The following DPP6 variants were observed in gnomAD, a reference collection of about 807,000 sequenced individuals.
DPP6 encodes the protein A-type potassium channel modulatory protein DPP6.
A neutral mutation model predicts 122.6 loss-of-function variants in DPP6; 69 were observed. That is an observed-to-expected ratio of 0.56 (90% CI 0.46 to 0.69). The LOEUF is 0.69. DPP6 is among the 30% of genes least tolerant of loss of function. The pLI, the probability that DPP6 is intolerant of heterozygous loss-of-function variation, is 0.00. For missense variants in DPP6, 928 were observed against 1,116.9 expected, an observed-to-expected ratio of 0.83 and a Z score of 2.41; for synonymous variants, 418 against 433.1, an observed-to-expected ratio of 0.97 and a Z score of 0.43.
chr7:154,779,432 A>G (rs1214728505), intron 10 of DPP6, among the ~76,000 whole-genome samples: 2 of 152,054 alleles, frequency 1.3e-5, no homozygotes, highest in African/African-American at 2.4e-5. Context: ...CCCTATCATA[A>G]ACAAGCTCTC....
At chr7:153,792,005 G>T in the DPP6 span, among the ~76,000 whole-genome samples, 3 of 152,234 alleles carry the variant, frequency 2.0e-5, no homozygotes, top group African/African-American at 7.2e-5. Flanking sequence ...TGTTCAAGGA[G>T]TCTTTCCCCA....
intron 1 of DPP6, among the ~76,000 whole-genome samples, chr7:154,112,636 C>T (rs1165205052): frequency 3.3e-5 from 5 of 150,742 alleles, no homozygotes. Context: ...CAGAGTGAGA[C>T]TCCATCTCAA....
intron 7 of DPP6, among the ~76,000 whole-genome samples, chr7:154,672,681 A>G (rs1464594036): frequency 6.6e-6 from 1 of 152,196 alleles, no homozygotes; most frequent in Admixed American, 6.5e-5. Context: ...GAGTTTTTAA[A>G]TCCATTTGAC....
intron 1 of DPP6, among the ~76,000 whole-genome samples, chr7:154,313,685 G>GTGTGTGTGTGTGTGTATATA: frequency 3.4e-4 from 7 of 20,474 alleles, no homozygotes; most frequent in African/African-American, 8.9e-4. Flanking sequence ...TTAAGATATG[G>GTGTGTGTGTGTGTGTATATA]TATATATATA....
rs755229940 is a variant in DPP6 at position 154,481,480 on chromosome 7, C to A, written c.457+6443C>A. Reference sequence around the variant, plus strand: ...CAGCACTACATCATCCTCCCCCAACCTCTTCACAGACCCCCCGCTGCCCAC... The same window carrying A: ...CAGCACTACATCATCCTCCCCCAACATCTTCACAGACCCCCCGCTGCCCAC... On this transcript the variant is annotated intron_variant, in intron 3 of 25. Coordinates refer to ENST00000377770, the MANE Select transcript of DPP6 (RefSeq NM_130797.4). This position sits in a 1 kb window ranked among gnomAD's most constrained non-coding sequence, Gnocchi z 4.2. Among the ~76,000 whole-genome samples the A allele has an allele frequency of 2.0e-5, 3 of 151,728 alleles. No homozygotes were observed. The highest frequency in any genetic ancestry group is 2.9e-5 in the Non-Finnish European group (2 of 67,926).
chr7:154,518,943 G>C (rs1382678092), intron 3 of DPP6, among the ~76,000 whole-genome samples: 1 of 152,098 alleles, frequency 6.6e-6, no homozygotes, highest in Non-Finnish European at 1.5e-5. Flanking sequence ...TAGGACTCCA[G>C]GTTAGGGAAC....
chr7:154,461,940 A>C (rs1455801652), intron 2 of DPP6, among the ~76,000 whole-genome samples: 6 of 152,138 alleles, frequency 3.9e-5, no homozygotes, highest in African/African-American at 1.4e-4. Flanking sequence ...TTTACCTAGT[A>C]CAGTGTCCTG....
intron 3 of DPP6, among the ~76,000 whole-genome samples, chr7:154,532,628 A>T (rs192468937): frequency 5.1e-4 from 77 of 152,260 alleles, no homozygotes; most frequent in African/African-American, 1.6e-3. Flanking sequence ...CAATTCAGGA[A>T]ATAAAGTAGG....
At chr7:153,843,203 C>A in the DPP6 span, among the ~76,000 whole-genome samples, 1 of 151,692 alleles carries the variant, frequency 6.6e-6, no homozygotes, top group East Asian at 1.9e-4. Context: ...CATACACACA[C>A]GTGCACACAC....
chr7:154,604,201 T>C (rs1833512227), intron 5 of DPP6, among the ~76,000 whole-genome samples: 1 of 120,562 alleles, frequency 8.3e-6, no homozygotes. Flanking sequence ...ATCATGAATG[T>C]TGCATCATTT....
chr7:154,061,903 T>A (rs1485494326), intron 1 of DPP6, among the ~76,000 whole-genome samples: 16 of 118,114 alleles, frequency 1.4e-4, no homozygotes, highest in South Asian at 3.4e-4. Flanking sequence ...GCAATCCCTC[T>A]TCCCCCCCTG....
At chr7:153,779,079 A>G in the DPP6 span, among the ~76,000 whole-genome samples, 1 of 147,616 alleles carries the variant, frequency 6.8e-6, no homozygotes, top group Non-Finnish European at 1.5e-5. Flanking sequence ...AGCCACAATC[A>G]AAAAGCTATG....
chr7:154,185,803 A>T (rs1010336114), intron 1 of DPP6, among the ~76,000 whole-genome samples: 2 of 152,206 alleles, frequency 1.3e-5, no homozygotes, highest in Non-Finnish European at 2.9e-5. Context: ...GCTTTTAAAG[A>T]TGAGATAATA....
chr7:154,607,072 G>A lies in DPP6; in HGVS notation c.628-30749G>A, dbSNP rs564752418. On this transcript the variant is annotated intron_variant, in intron 5 of 25. Coordinates refer to ENST00000377770, the MANE Select transcript of DPP6 (RefSeq NM_130797.4). Reference sequence around the variant, plus strand: ...CAAGTAGCTGCATGAAATGCCACGCGATGCCAATCATCTCCACATGAGCAG... The same window carrying A: ...CAAGTAGCTGCATGAAATGCCACGCAATGCCAATCATCTCCACATGAGCAG... Among the ~76,000 whole-genome samples the A allele has an allele frequency of 7.4e-5, 9 of 121,170 alleles. 3 individuals carry two copies. Among genetic ancestry groups the A allele is most frequent in the African/African-American group, 1.8e-4 (7 of 38,046 alleles). The allele number at this position is 121,170 out of a possible 152,430, so 79.5% of individuals were successfully genotyped here.
chr7:154,278,142 GGA>G (rs1804260136), intron 1 of DPP6, among the ~76,000 whole-genome samples: 1 of 152,158 alleles, frequency 6.6e-6, no homozygotes. Context: ...GACCTGGGAG[GGA>G]GAGACAGGGA....
intron 1 of DPP6, among the ~76,000 whole-genome samples, chr7:154,061,896 A>G (rs10232245): frequency 0.61 from 62,882 of 102,260 alleles, 21,614 homozygotes; most frequent in African/African-American, 0.72. Flanking sequence ...CTGAGAGGCA[A>G]TCCCTCTTCC....
chr7:154,692,225 A>G (rs369859131), intron 7 of DPP6, among the ~76,000 whole-genome samples: 1 of 152,234 alleles, frequency 6.6e-6, no homozygotes, highest in Admixed American at 6.5e-5. Flanking sequence ...AGATGACAAA[A>G]TGGAAAAACA....
intron 1 of DPP6, chr7:154,058,498 C>G (rs374433456): frequency 7.5e-6 from 1 of 133,060 alleles, no homozygotes; most frequent in Non-Finnish European, 1.6e-5. Flanking sequence ...GCACCCTCCG[C>G]GAGGCAGGGA....
At chr7:154,835,634 A>G (rs1011719929) in intron 16 of DPP6, among the ~76,000 whole-genome samples, 3 of 152,136 alleles carry the variant, frequency 2.0e-5, no homozygotes, top group Admixed American at 1.3e-4. Context: ...CCCAATCACA[A>G]ACCCATGGAG....
Sources: gnomAD v4.1 joint callset for allele counts (sites outside exome capture counted in the v4.1 genomes callset) on GRCh38, gnomAD v4.1.1 for gene constraint, Gnocchi (gnomAD v3.1) non-coding constraint, MANE v1.5 for transcripts, NCBI Gene and HGNC (gene_info 2026-07-23, HGNC 2026-07-21) for gene names.